Variants in SHLD2 observed in about 807,000 individuals in gnomAD.
SHLD2 encodes the protein shieldin complex subunit 2.
A neutral mutation model predicts 73.2 loss-of-function variants in SHLD2; 30 were observed. That is an observed-to-expected ratio of 0.41 (90% CI 0.31 to 0.56). The LOEUF (loss-of-function observed/expected upper bound fraction) is 0.56. Ranked by LOEUF, SHLD2 falls within the 20% of genes least tolerant of loss-of-function variation. SHLD2 has a pLI of 0.28. For synonymous variants in SHLD2, 285 were observed against 370.1 expected (o/e 0.77, Z 2.64); for missense variants, 745 against 1,055.9 (o/e 0.71, Z 4.08).
chr10:87,175,633 G>A (rs1198767154), intron 6 of SHLD2, among the ~76,000 whole-genome samples: 4 of 151,984 alleles, frequency 2.6e-5, no homozygotes, highest in African/African-American at 7.3e-5. Context: ...TCAGTGAGCC[G>A]AGATCACATC....
intron 6 of SHLD2, among the ~76,000 whole-genome samples, chr10:87,172,637 G>C (rs113103785): frequency 0.02 from 2,650 of 131,864 alleles, no homozygotes; most frequent in African/African-American, 0.031. Context: ...GAGCCCAGGA[G>C]TTCAAGTTCT....
intron 7 of SHLD2, among the ~76,000 whole-genome samples, chr10:87,177,745 C>G (rs1028683034): frequency 5.3e-5 from 8 of 151,950 alleles, no homozygotes; most frequent in Non-Finnish European, 1.0e-4. Context: ...GAGGCTAGGC[C>G]TGAGTCCTTG....
At chr10:87,110,992 C>T (rs1242887229) in intron 2 of SHLD2, among the ~76,000 whole-genome samples, 2 of 151,506 alleles carry the variant, frequency 1.3e-5, no homozygotes, top group East Asian at 2.0e-4. Context: ...TACAGGCGCG[C>T]ACCACCACGC....
At chr10:87,111,939 A>T (rs1564579800) in intron 2 of SHLD2, among the ~76,000 whole-genome samples, 1 of 152,032 alleles carries the variant, frequency 6.6e-6, no homozygotes, top group Admixed American at 6.6e-5. Context: ...CAAATAATCC[A>T]ATTGAAACAA....
upstream of SHLD2, chr10:87,094,504 AG>A (rs1841663491): frequency 6.2e-7 from 1 of 1,613,288 alleles, no homozygotes; most frequent in Non-Finnish European, 8.5e-7. The surrounding 1 kb of genome is among the most constrained non-coding windows in gnomAD (Gnocchi z 6.6). Flanking sequence ...CCGGGTCCTC[AG>A]GTCCTCCACC....
At chr10:87,103,433 A>G (rs942447672) in intron 2 of SHLD2, among the ~76,000 whole-genome samples, 23 of 152,200 alleles carry the variant, frequency 1.5e-4, no homozygotes, top group African/African-American at 5.1e-4. Context: ...GGTTCAAGGC[A>G]ATTTGATCAT....
chr10:87,138,254 C>T (rs767210103), intron 2 of SHLD2, among the ~76,000 whole-genome samples: 1 of 151,878 alleles, frequency 6.6e-6, no homozygotes, highest in African/African-American at 2.4e-5. Flanking sequence ...GCTGAGATCA[C>T]ACGCCACTGC....
rs374592298 is a variant in SHLD2 at position 87,158,031 on chromosome 10, G to A, written c.1526-17G>A. On this transcript the variant is annotated splice_polypyrimidine_tract_variant and intron_variant, in intron 3 of 9. Transcript: ENST00000298786. The stretch of plus-strand genomic sequence containing the variant: ...AAGGAATTTATGGCATGATCAGAAC[G>A]TTTTTTCTCTCTCTAGATGTTGTTA... The A allele has an allele frequency of 1.7e-5, 27 of 1,607,002 alleles. No individual in the cohort carries two copies. The highest frequency in any genetic ancestry group is 4.5e-5 in the East Asian group (2 of 44,744).
intron 2 of SHLD2, among the ~76,000 whole-genome samples, chr10:87,104,243 GA>G (rs200425745): frequency 0.16 from 19,226 of 123,982 alleles, 1,962 homozygotes; most frequent in East Asian, 0.63. Flanking sequence ...TCTCAAAAAA[GA>G]AAAAAAAAAA....
At chr10:87,172,560 A>C (rs1328963348) in intron 6 of SHLD2, among the ~76,000 whole-genome samples, 2 of 152,100 alleles carry the variant, frequency 1.3e-5, no homozygotes, top group Non-Finnish European at 2.9e-5. Context: ...AGTAGATTAT[A>C]GGCCAGGTGT....
intron 4 of SHLD2, among the ~76,000 whole-genome samples, chr10:87,160,517 C>T (rs1454617049): frequency 6.6e-6 from 1 of 151,984 alleles, no homozygotes; most frequent in Non-Finnish European, 1.5e-5. Context: ...ATCAATACAG[C>T]ATTATAATAT....
chr10:87,104,089 C>A (rs1222263326), intron 2 of SHLD2, among the ~76,000 whole-genome samples: 1 of 149,512 alleles, frequency 6.7e-6, no homozygotes, highest in Non-Finnish European at 1.5e-5. Context: ...AAAAATCAGC[C>A]GGGCATGATG....
At chr10:87,174,759 G>A (rs1847833299) in intron 6 of SHLD2, among the ~76,000 whole-genome samples, 1 of 152,130 alleles carries the variant, frequency 6.6e-6, no homozygotes, top group Admixed American at 6.6e-5. Context: ...TGATAATACA[G>A]ATAAGTTGAA....
intron 1 of SHLD2, among the ~76,000 whole-genome samples, 188 bp downstream of exon 1, chr10:87,095,436 T>A (rs1841763213): frequency 6.6e-6 from 1 of 151,808 alleles, no homozygotes; most frequent in Admixed American, 6.6e-5. Flanking sequence ...CCGCGCGCCC[T>A]CGGAACGGGC....
chr10:87,156,601 G>T (rs1431518692), intron 3 of SHLD2, among the ~76,000 whole-genome samples: 1 of 152,102 alleles, frequency 6.6e-6, no homozygotes, highest in Non-Finnish European at 1.5e-5. Context: ...CAGTGAGAGG[G>T]TAGGAAGGAG....
rs116729327 is a variant in SHLD2 at position 87,143,381 on chromosome 10, T to C, written c.-5-7969T>C. 5.7e-3 allele frequency among the ~76,000 whole-genome samples: 870 copies of C among 152,184 alleles called. 6 individuals carry two copies. Among genetic ancestry groups the C allele is most frequent in the African/African-American group, 0.019 (775 of 41,508 alleles). On this transcript the variant is annotated intron_variant, in intron 2 of 9. Coordinates refer to ENST00000298786, the MANE Select transcript of SHLD2 (RefSeq NM_001330112.2). ...TGAGACATTTTCTATTAATTCTGAATCCAAAAAACTCTTATCCCATTGTCT... is the reference window on the plus strand; with the variant it reads ...TGAGACATTTTCTATTAATTCTGAACCCAAAAAACTCTTATCCCATTGTCT...
intron 2 of SHLD2, among the ~76,000 whole-genome samples, chr10:87,101,893 G>A (rs1407406067): frequency 1.3e-5 from 2 of 152,114 alleles, no homozygotes; most frequent in East Asian, 3.8e-4. Context: ...CAGCCTGGGC[G>A]ACAGAACGGT....
At position 87,151,499 on chromosome 10, in the gene SHLD2, T is replaced by C. The variant is rs772032737; in HGVS notation, c.145T>C (p.Tyr49His). The change falls in exon 3 of 10, where the codon TAT (tyrosine) becomes CAT (histidine). Residue 49 changes from tyrosine (Y) to histidine (H), a missense_variant. Tyr to His is a moderately conservative substitution (Grantham distance 83, BLOSUM62 2). Around this residue, in one of 5 missense-constraint regions of SHLD2, gnomAD observed 280 missense variants for 353.9 expected, o/e 0.79. Transcript: ENST00000298786. ...IQLLYSQHSL[Y>H]LKDEKQHKNL... is the part of the protein sequence containing the mutation. ...GCTTTTATACAGTCAACATTCTTTA[T>C]ATCTGAAGGATGAAAAACAGCACAA... The C allele has an allele frequency of 6.2e-7, 1 of 1,611,172 alleles. No individual in the cohort carries two copies. The highest frequency in any genetic ancestry group is 1.1e-5 in the South Asian group (1 of 90,846).
chr10:87,137,753 C>T (rs1280085722), intron 2 of SHLD2, among the ~76,000 whole-genome samples: 1 of 152,044 alleles, frequency 6.6e-6, no homozygotes, highest in Non-Finnish European at 1.5e-5. Flanking sequence ...AATAAGCCAA[C>T]AAATTTAAAA....
Sources: gnomAD v4.1 joint callset for allele counts (sites outside exome capture counted in the v4.1 genomes callset) on GRCh38, gnomAD v4.1.1 for gene constraint, gnomAD v4.1.1 regional missense constraint, Gnocchi (gnomAD v3.1) non-coding constraint, MANE v1.5 for transcripts, NCBI Gene and HGNC (gene_info 2026-07-23, HGNC 2026-07-21) for gene names.